ACOXL: variants seen among roughly 807,000 people sequenced by gnomAD.
ACOXL encodes the protein acyl-coenzyme A oxidase-like protein.
A neutral mutation model predicts 71.9 loss-of-function variants in ACOXL; 70 were observed. That is an observed-to-expected ratio of 0.97 (90% CI 0.80 to 1.19). ACOXL has a LOEUF of 1.19. ACOXL is among the 50% of genes most tolerant of loss of function. The pLI, the probability that ACOXL is intolerant of heterozygous loss-of-function variation, is 0.00. For missense variants in ACOXL, 703 were observed against 736.3 expected, an observed-to-expected ratio of 0.95 and a Z score of 0.52; for synonymous variants, 253 against 281.6, an observed-to-expected ratio of 0.90 and a Z score of 1.02.
intron 9 of ACOXL, among the ~76,000 whole-genome samples, chr2:110,833,490 T>C (rs1224206569): frequency 6.6e-6 from 1 of 152,156 alleles, no homozygotes; most frequent in Non-Finnish European, 1.5e-5. Context: ...GATGGAGATG[T>C]CCTGTGGCTT....
intron 10 of ACOXL, among the ~76,000 whole-genome samples, chr2:110,885,199 G>A (rs1452973842): frequency 2.0e-5 from 3 of 152,174 alleles, no homozygotes; most frequent in Non-Finnish European, 4.4e-5. Context: ...TCACATCAGT[G>A]TATATTGAAT....
At chr2:111,069,979 C>G (rs1189193887) in intron 16 of ACOXL, among the ~76,000 whole-genome samples, 1 of 151,962 alleles carries the variant, frequency 6.6e-6, no homozygotes, top group Non-Finnish European at 1.5e-5. Context: ...TGCAGCCAGC[C>G]CTGTGACCCC....
At chr2:110,995,104 C>T (rs1361018393) in intron 13 of ACOXL, among the ~76,000 whole-genome samples, 1 of 151,046 alleles carries the variant, frequency 6.6e-6, no homozygotes, top group African/African-American at 2.4e-5. Context: ...TATTAATATC[C>T]AATTATAATA....
chr2:111,023,729 G>A (rs2064885818), intron 14 of ACOXL, among the ~76,000 whole-genome samples: 1 of 152,166 alleles, frequency 6.6e-6, no homozygotes, highest in South Asian at 2.1e-4. Context: ...GCTGGAGGAA[G>A]GCATGGGCCA....
At chr2:110,894,394 C>A (rs2058918557) in intron 10 of ACOXL, among the ~76,000 whole-genome samples, 1 of 150,900 alleles carries the variant, frequency 6.6e-6, no homozygotes, top group Non-Finnish European at 1.5e-5. Context: ...AAATGGGACA[C>A]CCACCAAGAC....
intron 16 of ACOXL, among the ~76,000 whole-genome samples, chr2:111,051,519 A>G (rs1382275348): frequency 1.3e-5 from 2 of 152,162 alleles, no homozygotes; most frequent in Admixed American, 6.5e-5. Context: ...CCCAGGCTGG[A>G]GTGCAGTGGC....
chr2:110,762,959 ATTGT>A (rs1171807882), intron 1 of ACOXL, among the ~76,000 whole-genome samples: 1 of 152,154 alleles, frequency 6.6e-6, no homozygotes, highest in Non-Finnish European at 1.5e-5. Context: ...CCCTGGCCAA[ATTGT>A]TTGAAGTATT....
intron 1 of ACOXL, among the ~76,000 whole-genome samples, chr2:110,746,393 T>G (rs1022783247): frequency 2.0e-5 from 3 of 152,086 alleles, no homozygotes; most frequent in African/African-American, 7.2e-5. Flanking sequence ...TGTCCCTAAG[T>G]GATCTCAGAC....
intron 10 of ACOXL, among the ~76,000 whole-genome samples, chr2:110,897,898 A>G (rs1250362134): frequency 6.6e-6 from 1 of 152,196 alleles, no homozygotes; most frequent in Non-Finnish European, 1.5e-5. Flanking sequence ...AACATCAGGA[A>G]TGATACAGGG....
chr2:111,109,750 C>T (rs2069815773), intron 17 of ACOXL, among the ~76,000 whole-genome samples: 1 of 129,316 alleles, frequency 7.7e-6, no homozygotes, highest in African/African-American at 3.0e-5. Flanking sequence ...ATGATCTTGG[C>T]TCACTGCAAC....
At chr2:111,086,227 C>A (rs957185132) in intron 16 of ACOXL, among the ~76,000 whole-genome samples, 2 of 152,184 alleles carry the variant, frequency 1.3e-5, no homozygotes, top group Non-Finnish European at 2.9e-5. Context: ...CTGGCATCAT[C>A]CTGATACCAA....
intron 12 of ACOXL, among the ~76,000 whole-genome samples, chr2:110,942,838 C>G (rs147451314): frequency 0.01 from 1,488 of 148,598 alleles, 14 homozygotes; most frequent in Middle Eastern, 0.051. Flanking sequence ...GAGCCAAGAT[C>G]ATGCCACTGG....
chr2:110,991,951 G>A (rs2063191022), intron 13 of ACOXL, among the ~76,000 whole-genome samples: 1 of 152,184 alleles, frequency 6.6e-6, no homozygotes, highest in Non-Finnish European at 1.5e-5. Context: ...TGAAAGAATA[G>A]TACGACTCCC....
chr2:110,924,476 A>G (rs2060197631), intron 11 of ACOXL, among the ~76,000 whole-genome samples: 1 of 152,174 alleles, frequency 6.6e-6, no homozygotes, highest in African/African-American at 2.4e-5. Context: ...TTTACATGAT[A>G]TTTTAAATCC....
chr2:110,916,779 C>A (rs2059877232), intron 11 of ACOXL, among the ~76,000 whole-genome samples: 2 of 152,156 alleles, frequency 1.3e-5, no homozygotes, highest in Non-Finnish European at 2.9e-5. Context: ...ACTATAAACA[C>A]CTCTACACAA....
intron 12 of ACOXL, among the ~76,000 whole-genome samples, chr2:110,950,384 C>T (rs1055609974): frequency 1.3e-5 from 2 of 152,150 alleles, no homozygotes; most frequent in Non-Finnish European, 2.9e-5. Flanking sequence ...GCTAAAATGA[C>T]CCAGGGATAA....
At chr2:111,064,339 G>C (rs2066951508) in intron 16 of ACOXL, among the ~76,000 whole-genome samples, 1 of 151,864 alleles carries the variant, frequency 6.6e-6, no homozygotes, top group South Asian at 2.1e-4. Context: ...GGGAGGCTGA[G>C]GCAGGAGAAT....
At position 110,885,699 on chromosome 2, in the gene ACOXL, C is replaced by T. The variant is rs114869915; in HGVS notation, c.789-23090C>T. Among the ~76,000 whole-genome samples the T allele has an allele frequency of 9.0e-3, 1,365 of 152,190 alleles. 15 individuals carry two copies. Among genetic ancestry groups the T allele is most frequent in the Non-Finnish European group, 0.012 (829 of 68,016 alleles). On this transcript the variant is annotated intron_variant, in intron 10 of 17. Coordinates refer to ENST00000439055, the MANE Select transcript of ACOXL (RefSeq NM_001142807.4). ...GTTCAAACTTCCTTAGTAAGTGAAGCGATGTCCTTTTTATACCTCTGTATT... is the reference window on the plus strand; with the variant it reads ...GTTCAAACTTCCTTAGTAAGTGAAGTGATGTCCTTTTTATACCTCTGTATT...
At chr2:110,923,892 C>T (rs1038164963) in intron 11 of ACOXL, among the ~76,000 whole-genome samples, 8 of 151,188 alleles carry the variant, frequency 5.3e-5, no homozygotes, top group East Asian at 1.9e-4. Context: ...GCTGAGAACA[C>T]ACCATTGTCA....
Sources: allele counts gnomAD v4.1 joint callset (sites outside exome capture counted in the v4.1 genomes callset), GRCh38; gene constraint gnomAD v4.1.1; transcripts MANE v1.5; gene names NCBI Gene and HGNC (gene_info 2026-07-23, HGNC 2026-07-21).